Variants in GTF2H1 observed in about 807,000 individuals in gnomAD.
The protein encoded by GTF2H1 is general transcription factor IIH subunit 1.
GTF2H1 carries 16 observed loss-of-function variants against 71.2 expected under a neutral mutation model. That is an observed-to-expected ratio of 0.22 (90% CI 0.15 to 0.34). The LOEUF (loss-of-function observed/expected upper bound fraction) is 0.34, where lower values mean the gene tolerates loss of function less well. GTF2H1 is among the 10% of genes least tolerant of loss of function. The probability of loss-of-function intolerance (pLI) is 1.00; values close to 1 mark genes in which losing one functional copy is unlikely to be tolerated. For synonymous variants in GTF2H1, 215 were observed against 219.0 expected, an observed-to-expected ratio of 0.98 and a Z score of 0.16; for missense variants, 498 against 648.2, an observed-to-expected ratio of 0.77 and a Z score of 2.52.
At chr11:18,346,948 C>T (rs1865309614) in intron 7 of GTF2H1, among the ~76,000 whole-genome samples, 1 of 150,652 alleles carries the variant, frequency 6.6e-6, no homozygotes. Flanking sequence ...CCATGTTGGC[C>T]GGGCTAGTTT....
chr11:18,351,207 G>C (rs1293138501), intron 9 of GTF2H1, among the ~76,000 whole-genome samples: 2 of 151,822 alleles, frequency 1.3e-5, no homozygotes, highest in East Asian at 3.9e-4. Context: ...TTTGGCTGGG[G>C]AGGTGGTGAT....
chr11:18,323,148 C>T (rs1044091000), intron 1 of GTF2H1, among the ~76,000 whole-genome samples: 1 of 152,170 alleles, frequency 6.6e-6, no homozygotes, highest in Non-Finnish European at 1.5e-5. Flanking sequence ...CTCTTAAAAA[C>T]CTTAACACGT....
intron 9 of GTF2H1, chr11:18,348,242 G>A (rs1865344298): frequency 9.9e-6 from 4 of 402,486 alleles, no homozygotes; most frequent in African/African-American, 2.1e-5. Context: ...TTCAACAGAG[G>A]CAATATGACA....
At position 18,352,416 on chromosome 11, in the gene GTF2H1, A is replaced by T; in HGVS notation, c.1230A>T (p.Glu410Asp). Residue 410 changes from glutamate (E) to aspartate (D), a missense_variant, in exon 11 of 15, where the codon GAA becomes GAT. This residue lies in a region of GTF2H1 where 266 missense variants were observed against 301.6 expected (regional missense o/e 0.88). Coordinates refer to ENST00000265963, the MANE Select transcript of GTF2H1 (RefSeq NM_005316.4). ...IINSFQSIRQ[E>D]MEAYTPKLTQ... Reference sequence around the variant, plus strand: ...ATTCTTTTCAAAGTATTAGACAAGAAATGGAAGCTTATACACCCAAGTTAA... The same window carrying T: ...ATTCTTTTCAAAGTATTAGACAAGATATGGAAGCTTATACACCCAAGTTAA... The T allele has an allele frequency of 6.5e-7, 1 of 1,533,556 alleles. No individual in the cohort carries two copies. The highest frequency in any genetic ancestry group is 9.0e-7 in the Non-Finnish European group (1 of 1,106,788). The allele number at this position is 1,533,556 out of a possible 1,614,324, so 95.0% of individuals were successfully genotyped here. A position where few individuals can be genotyped will look rare whatever the true frequency, so the allele number is the denominator to read the frequency against.
chr11:18,342,853 C>A (rs977484206), intron 7 of GTF2H1, among the ~76,000 whole-genome samples: 3 of 152,130 alleles, frequency 2.0e-5, no homozygotes, highest in Admixed American at 2.0e-4. Context: ...GACTTTAAAA[C>A]CAAACTAGCT....
chr11:18,340,288 CTT>C (rs11438773), intron 5 of GTF2H1, among the ~76,000 whole-genome samples: 3 of 144,938 alleles, frequency 2.1e-5, no homozygotes, highest in Non-Finnish European at 3.1e-5. Flanking sequence ...GACCCTATCT[CTT>C]TTTTTTTTTT....
chr11:18,341,507 T>C (rs1565009898), intron 6 of GTF2H1, 21 bp from the exon 7 acceptor site: 1 of 1,607,820 alleles, frequency 6.2e-7, no homozygotes, highest in Non-Finnish European at 8.5e-7. Flanking sequence ...TGCTGAACTT[T>C]TTATTTTGTT....
At chr11:18,343,901 A>G (rs1865223275) in intron 7 of GTF2H1, among the ~76,000 whole-genome samples, 1 of 152,160 alleles carries the variant, frequency 6.6e-6, no homozygotes, top group Non-Finnish European at 1.5e-5. Context: ...TGGCACAATC[A>G]TGGCTCACTG....
At chr11:18,348,596 A>G (rs1230238870) in intron 9 of GTF2H1, 1 of 152,250 alleles carries the variant, frequency 6.6e-6, no homozygotes, top group Non-Finnish European at 1.5e-5. Context: ...TATTCATTAC[A>G]GTATCATAAT....
intron 2 of GTF2H1, among the ~76,000 whole-genome samples, chr11:18,334,584 T>G (rs1297659818): frequency 6.6e-6 from 1 of 152,180 alleles, no homozygotes; most frequent in African/African-American, 2.4e-5. Context: ...ATCTCCAATT[T>G]CTCTACAATT....
chr11:18,330,130 G>A (rs913203904), intron 1 of GTF2H1, among the ~76,000 whole-genome samples: 4 of 152,172 alleles, frequency 2.6e-5, no homozygotes, highest in Non-Finnish European at 5.9e-5. Context: ...GTATTTGTTG[G>A]TTTGTTAATT....
At chr11:18,349,083 C>T (rs1179893673) in intron 9 of GTF2H1, among the ~76,000 whole-genome samples, 4 of 152,082 alleles carry the variant, frequency 2.6e-5, no homozygotes, top group East Asian at 1.9e-4. Flanking sequence ...TTAGTAGAGA[C>T]GGAGTTTTGC....
At chr11:18,344,508 A>G (rs1421982647) in intron 7 of GTF2H1, among the ~76,000 whole-genome samples, 4 of 151,212 alleles carry the variant, frequency 2.6e-5, no homozygotes, top group Non-Finnish European at 5.9e-5. Flanking sequence ...AATTCCAGCT[A>G]CCCAGGAGGC....
At chr11:18,345,167 G>A (rs1435135688) in intron 7 of GTF2H1, among the ~76,000 whole-genome samples, 1 of 151,640 alleles carries the variant, frequency 6.6e-6, no homozygotes, top group Non-Finnish European at 1.5e-5. Flanking sequence ...CTCCAGCCTG[G>A]GCAACAGAGC....
chr11:18,346,733 C>CTTTTTTTTTTTTTTTTT (rs35494754), intron 7 of GTF2H1, among the ~76,000 whole-genome samples: 14 of 85,214 alleles, frequency 1.6e-4, no homozygotes, highest in East Asian at 4.1e-4. Context: ...TTTTTATTTA[C>CTTTTTTTTTTTTTTTTT]TTTTTTTTTT....
chr11:18,351,688 A>G (rs752545900), intron 9 of GTF2H1, 193 bp from the exon 10 acceptor site: 29 of 421,882 alleles, frequency 6.9e-5, no homozygotes, highest in Non-Finnish European at 1.1e-4. Flanking sequence ...TCAGAGTGTA[A>G]GAAAACTAGT....
chr11:18,343,880 C>T (rs1455245915), intron 7 of GTF2H1, among the ~76,000 whole-genome samples: 1 of 152,208 alleles, frequency 6.6e-6, no homozygotes, highest in African/African-American at 2.4e-5. Flanking sequence ...GTTGCCCAGG[C>T]TGGAGTGCAG....
chr11:18,340,642 C>T (rs1007363394), intron 5 of GTF2H1, among the ~76,000 whole-genome samples: 2 of 152,172 alleles, frequency 1.3e-5, no homozygotes, highest in African/African-American at 2.4e-5. Context: ...ATGTGCCAGA[C>T]GCTTTTCTAA....
chr11:18,345,891 T>C lies in GTF2H1; in HGVS notation c.838-1697T>C, dbSNP rs537631784. Among the ~76,000 whole-genome samples, 59 of 150,450 alleles carry C rather than the reference T, an allele frequency of 3.9e-4. 1 individual carries two copies. Among genetic ancestry groups the C allele is most frequent in the African/African-American group, 1.1e-3 (47 of 40,956 alleles). ...TGCAGGCTCTGCCCCCTGGGGTTCA[T>C]GCCATTCTCCTGCCTCAGCCTCCTG... On this transcript the variant is annotated intron_variant, in intron 7 of 14. Coordinates refer to ENST00000265963, the MANE Select transcript of GTF2H1 (RefSeq NM_005316.4).
Sources: gnomAD v4.1 joint callset for allele counts (sites outside exome capture counted in the v4.1 genomes callset) on GRCh38, gnomAD v4.1.1 for gene constraint, gnomAD v4.1.1 regional missense constraint, MANE v1.5 for transcripts, NCBI Gene and HGNC (gene_info 2026-07-23, HGNC 2026-07-21) for gene names.